Variants in CEP162 observed in about 807,000 individuals in gnomAD.
The protein encoded by CEP162 is centrosomal protein 162, also known as centrosomal protein of 162 kDa.
A neutral mutation model predicts 169.2 loss-of-function variants in CEP162; 141 were observed. The observed-to-expected ratio is 0.83, with a 90% CI of 0.73 to 0.96. CEP162 has a LOEUF of 0.96. Among genes scored for constraint, CEP162 ranks in the 40% least tolerant of loss-of-function variants. The pLI, the probability that CEP162 is intolerant of heterozygous loss-of-function variation, is 0.00. For missense variants in CEP162, 1,600 were observed against 1,587.2 expected (o/e 1.01, Z -0.14); for synonymous variants, 540 against 526.4 (o/e 1.03, Z -0.35).
intron 11 of CEP162, among the ~76,000 whole-genome samples, chr6:84,192,124 A>G (rs2099540185): frequency 6.6e-6 from 1 of 152,198 alleles, no homozygotes; most frequent in Non-Finnish European, 1.5e-5. Context: ...TAGTGATGTG[A>G]GCAAGAAATA....
chr6:84,226,652 C>T (rs2099555857), intron 1 of CEP162, among the ~76,000 whole-genome samples, 200 bp from the exon 2 acceptor site: 1 of 152,184 alleles, frequency 6.6e-6, no homozygotes, highest in African/African-American at 2.4e-5. Context: ...TTGTACTCAA[C>T]GTTCAGAATT....
chr6:84,197,672 C>A (rs140596622), intron 9 of CEP162, among the ~76,000 whole-genome samples: 2,487 of 151,962 alleles, frequency 0.016, 59 homozygotes, highest in African/African-American at 0.056. Flanking sequence ...CAAAAATTAG[C>A]CAGGCGTGGT....
At chr6:84,219,513 G>A (rs918480236) in intron 3 of CEP162, among the ~76,000 whole-genome samples, 11 of 152,242 alleles carry the variant, frequency 7.2e-5, no homozygotes, top group African/African-American at 2.6e-4. Context: ...AAGGCTTTGT[G>A]TCCCAAATCT....
Position 84,161,785 on chromosome 6 carries a change from A to AAGCCGAAGTG in CEP162, c.2627_2636dup (p.Arg880ThrfsTer4). 6.2e-7 allele frequency: 1 copy of AAGCCGAAGTG among 1,600,456 alleles called. No homozygotes were observed. Among genetic ancestry groups the AAGCCGAAGTG allele is most frequent in the Non-Finnish European group, 8.5e-7 (1 of 1,172,780 alleles). On this transcript the variant is annotated frameshift_variant, in exon 20 of 27. Coordinates refer to ENST00000403245, the MANE Select transcript of CEP162 (RefSeq NM_014895.4). LOFTEE classifies it high-confidence loss of function. ...TCTCAATTTCCTCATTTGCTTCTCT[A>AAGCCGAAGTG]AGCCGAAGTGCATCTTTATCCAGAA...
intron 25 of CEP162, among the ~76,000 whole-genome samples, chr6:84,145,133 T>C (rs968194765): frequency 1.3e-5 from 2 of 152,120 alleles, no homozygotes; most frequent in Non-Finnish European, 2.9e-5. Context: ...CTTGGTACCT[T>C]ACATACGAGG....
chr6:84,172,050 G>A (rs73485333), intron 16 of CEP162, among the ~76,000 whole-genome samples: 5,465 of 152,176 alleles, frequency 0.036, 354 homozygotes, highest in African/African-American at 0.13. Flanking sequence ...TGACTGTGTG[G>A]ACCCGGGTGG....
chr6:84,206,390 G>T (rs187303509), intron 6 of CEP162, among the ~76,000 whole-genome samples: 1 of 152,050 alleles, frequency 6.6e-6, no homozygotes, highest in African/African-American at 2.4e-5. Flanking sequence ...CAATGGAACA[G>T]AACAGAGCCC....
Position 84,152,609 on chromosome 6 carries a change from C to T in CEP162, c.3565G>A (p.Glu1189Lys). The part of the protein sequence containing the change: ...LKNELEGLIS[E>K]KNELKMKSEA... Reference sequence around the variant, plus strand: ...GATTTCATCTTCAGTTCATTCTTCTCTGAAATTAATCCTTCTAGCTCATTT... The same window carrying T: ...GATTTCATCTTCAGTTCATTCTTCTTTGAAATTAATCCTTCTAGCTCATTT... The change falls in exon 23 of 27, where the codon GAG (glutamate) becomes AAG (lysine). Residue 1189 changes from glutamate (E) to lysine (K), a missense_variant. Glu to Lys is a moderately conservative substitution (Grantham distance 56). Coordinates refer to ENST00000403245, the MANE Select transcript of CEP162 (RefSeq NM_014895.4). The T allele has an allele frequency of 6.4e-7, 1 of 1,563,358 alleles. No homozygotes were observed. Among genetic ancestry groups the T allele is most frequent in the Non-Finnish European group, 8.7e-7 (1 of 1,153,094 alleles).
chr6:84,147,435 T>C (rs2099519365), intron 24 of CEP162, among the ~76,000 whole-genome samples: 1 of 152,120 alleles, frequency 6.6e-6, no homozygotes, highest in South Asian at 2.1e-4. Flanking sequence ...CCAGGGTGAC[T>C]GTACTTGGCA....
At chr6:84,186,042 A>C (rs561753354) in intron 12 of CEP162, among the ~76,000 whole-genome samples, 2 of 152,130 alleles carry the variant, frequency 1.3e-5, no homozygotes, top group African/African-American at 2.4e-5. Context: ...AATGATGAAT[A>C]AACTTTTTCT....
At chr6:84,199,558 CA>C (rs11356971) in intron 9 of CEP162, among the ~76,000 whole-genome samples, 91,066 of 134,074 alleles carry the variant, frequency 0.68, 34,488 homozygotes, top group East Asian at 0.95. Flanking sequence ...AAGTAAAAAG[CA>C]AAAAAAAAAA....
At chr6:84,185,719 T>C (rs1047200258) in intron 12 of CEP162, among the ~76,000 whole-genome samples, 1 of 152,148 alleles carries the variant, frequency 6.6e-6, no homozygotes, top group Non-Finnish European at 1.5e-5. Flanking sequence ...CTTGAATGAA[T>C]GCAGCAGAAA....
intron 7 of CEP162, among the ~76,000 whole-genome samples, chr6:84,203,316 C>T (rs1001672344): frequency 2.6e-5 from 4 of 152,326 alleles, no homozygotes; most frequent in African/African-American, 9.6e-5. Context: ...ATTTACTATA[C>T]TTCATAAAGG....
At chr6:84,220,199 T>C (rs1362896473) in intron 3 of CEP162, among the ~76,000 whole-genome samples, 2 of 152,168 alleles carry the variant, frequency 1.3e-5, no homozygotes. Flanking sequence ...CATATGTATA[T>C]TTTTTCCCTA....
At chr6:84,180,636 C>T (rs888124253) in intron 13 of CEP162, among the ~76,000 whole-genome samples, 11 of 151,174 alleles carry the variant, frequency 7.3e-5, no homozygotes, top group African/African-American at 2.4e-4. Flanking sequence ...TGATAAGCAA[C>T]TTCAGCAAAG....
intron 15 of CEP162, 135 bp from the exon 16 acceptor site, chr6:84,174,323 T>A (rs2099531432): frequency 1.3e-6 from 1 of 768,898 alleles, no homozygotes; most frequent in South Asian, 1.9e-5. Context: ...GTGACATAAC[T>A]AGTTAAATCA....
intron 25 of CEP162, among the ~76,000 whole-genome samples, chr6:84,140,500 T>C (rs889543700): frequency 3.9e-5 from 6 of 152,094 alleles, no homozygotes; most frequent in East Asian, 1.9e-4. Context: ...CCGGCAACCA[T>C]GGTTAAGCTA....
In CEP162 at chr6:84,222,792, A is replaced by C. The variant is rs2099554223; in HGVS notation, c.58-1621T>G. 1.3e-5 allele frequency among the ~76,000 whole-genome samples: 2 copies of C among 151,122 alleles called. 1 individual carries two copies. The highest frequency in any genetic ancestry group is 1.3e-4 in the Admixed American group (2 of 15,228). ...CGCGTGCACACACACACACACACAC[A>C]ATCTTCCACTTGCCAAACAAAAAAC... On this transcript the variant is annotated intron_variant, in intron 2 of 26. Transcript: ENST00000403245.
At chr6:84,211,703 A>C (rs1437852578) in intron 6 of CEP162, among the ~76,000 whole-genome samples, 3 of 152,008 alleles carry the variant, frequency 2.0e-5, no homozygotes, top group African/African-American at 7.2e-5. Flanking sequence ...AACAAAGCTT[A>C]GCATTCTAAC....
Sources: gnomAD v4.1 joint callset for allele counts (sites outside exome capture counted in the v4.1 genomes callset) on GRCh38, gnomAD v4.1.1 for gene constraint, MANE v1.5 for transcripts, NCBI Gene and HGNC (gene_info 2026-07-23, HGNC 2026-07-21) for gene names.